Variants in SLC26A3 observed in about 807,000 individuals in gnomAD.
The protein encoded by SLC26A3 is solute carrier family 26 member 3.
A neutral mutation model predicts 85.6 loss-of-function variants in SLC26A3; 64 were observed. The observed-to-expected ratio is 0.75, with a 90% confidence interval of 0.61 to 0.92. SLC26A3 has a LOEUF of 0.92. SLC26A3 is among the 40% of genes least tolerant of loss of function. The pLI is 0.00. For synonymous variants in SLC26A3, 349 were observed against 336.0 expected (o/e 1.04, Z -0.42); for missense variants, 922 against 927.3 (o/e 0.99, Z 0.07).
At chr7:107,792,502 G>C (rs566882748) in intron 3 of SLC26A3, among the ~76,000 whole-genome samples, 5 of 152,002 alleles carry the variant, frequency 3.3e-5, no homozygotes, top group African/African-American at 1.2e-4. Flanking sequence ...CACAGTTCAC[G>C]ATAGGGTTTG....
chr7:107,785,393 T>C (rs1794277086), intron 8 of SLC26A3, among the ~76,000 whole-genome samples: 1 of 152,182 alleles, frequency 6.6e-6, no homozygotes, highest in Non-Finnish European at 1.5e-5. Context: ...TGGTTACCCG[T>C]TGCCACACCC....
intron 17 of SLC26A3, 104 bp downstream of exon 17, chr7:107,773,816 G>A (rs1562875471): frequency 4.1e-6 from 4 of 972,862 alleles, no homozygotes; most frequent in South Asian, 1.4e-5. Context: ...CTCCCAAAGT[G>A]CTGGGATTAC....
intron 6 of SLC26A3, 138 bp from the exon 7 acceptor site, chr7:107,787,647 G>T: frequency 1.4e-6 from 1 of 720,822 alleles, no homozygotes; most frequent in Non-Finnish European, 2.3e-6. Context: ...GTATTGCCCC[G>T]GTTTAATTGT....
At chr7:107,798,753 C>T (rs562823563) in intron 1 of SLC26A3, among the ~76,000 whole-genome samples, 1 of 152,294 alleles carries the variant, frequency 6.6e-6, no homozygotes, top group East Asian at 1.9e-4. Context: ...AGAGACATCA[C>T]TGAAAATGCC....
chr7:107,772,247 AG>A, intron 17 of SLC26A3, 139 bp from the exon 18 acceptor site: 1 of 649,432 alleles, frequency 1.5e-6, no homozygotes, highest in Non-Finnish European at 2.7e-6. Context: ...TAATAGTGTC[AG>A]AAGATACTAA....
chr7:107,789,365 C>T (rs1794353560), intron 6 of SLC26A3, among the ~76,000 whole-genome samples, 159 bp downstream of exon 6: 1 of 151,872 alleles, frequency 6.6e-6, no homozygotes, highest in African/African-American at 2.4e-5. Flanking sequence ...CGTGATCCGC[C>T]CGCCTCGGCC....
chr7:107,801,787 G>C (rs572050481), intron 1 of SLC26A3, among the ~76,000 whole-genome samples: 1 of 151,964 alleles, frequency 6.6e-6, no homozygotes, highest in East Asian at 1.9e-4. Flanking sequence ...TTTTCATTAG[G>C]AATAATCCTT....
At chr7:107,797,873 G>T (rs1165996732) in intron 1 of SLC26A3, among the ~76,000 whole-genome samples, 1 of 151,488 alleles carries the variant, frequency 6.6e-6, no homozygotes, top group Non-Finnish European at 1.5e-5. Context: ...TTACATTTTT[G>T]CCAGAAATTC....
intron 17 of SLC26A3, 103 bp downstream of exon 17, chr7:107,773,815 TGC>T: frequency 1.0e-6 from 1 of 962,718 alleles, no homozygotes; most frequent in Non-Finnish European, 1.6e-6. Context: ...CCTCCCAAAG[TGC>T]TGGGATTACA....
intron 20 of SLC26A3, 51 bp downstream of exon 20, chr7:107,767,528 T>G (rs1440044561): frequency 4.3e-6 from 6 of 1,411,574 alleles, no homozygotes; most frequent in East Asian, 2.3e-5. Flanking sequence ...CTTTGAAGGT[T>G]TTTTTTTGCT....
chr7:107,766,089 T>C (rs1263934650), intron 20 of SLC26A3, among the ~76,000 whole-genome samples: 2 of 152,198 alleles, frequency 1.3e-5, no homozygotes, highest in South Asian at 4.1e-4. Flanking sequence ...AAAGTAATGG[T>C]ACAGTGTGTT....
chr7:107,796,807 C>T (rs929394), intron 1 of SLC26A3, among the ~76,000 whole-genome samples: 61,842 of 150,960 alleles, frequency 0.41, 12,833 homozygotes, highest in South Asian at 0.43. Flanking sequence ...CAGCACTGTG[C>T]ATTTGTACTT....
chr7:107,774,073 C>G lies in SLC26A3; in HGVS notation c.1854G>C (p.Gln618His), dbSNP rs1466154236. Reference protein sequence around the residue: ...LDNNQIEVLDQPINTTDLPFH... With the variant: ...LDNNQIEVLDHPINTTDLPFH... Reference sequence around the variant, plus strand: ...AAGGCAGGTCTGTGGTATTGATTGGCTGGTCCAGTACTTCTATCTGATTGT... The same window carrying G: ...AAGGCAGGTCTGTGGTATTGATTGGGTGGTCCAGTACTTCTATCTGATTGT... Residue 618 changes from glutamine (Q) to histidine (H), a missense_variant, in exon 17 of 21, where the codon CAG (glutamine) becomes CAC (histidine). By Grantham distance (24) the Gln-to-His change is conservative (BLOSUM62 0). Coordinates refer to ENST00000340010, the MANE Select transcript of SLC26A3 (RefSeq NM_000111.3). 6.2e-7 allele frequency: 1 copy of G among 1,614,148 alleles called. No homozygotes were observed. Among genetic ancestry groups the G allele is most frequent in the African/African-American group, 1.3e-5 (1 of 75,042 alleles).
chr7:107,785,498 G>A (rs1297886861), intron 8 of SLC26A3, among the ~76,000 whole-genome samples: 2 of 152,144 alleles, frequency 1.3e-5, no homozygotes, highest in Non-Finnish European at 2.9e-5. Context: ...GTGATCTTAA[G>A]TTTATCTTTT....
chr7:107,799,454 G>A (rs968026816), intron 1 of SLC26A3, among the ~76,000 whole-genome samples: 3 of 152,000 alleles, frequency 2.0e-5, no homozygotes, highest in Admixed American at 6.6e-5. Context: ...GCAGTGGCGC[G>A]ATTTCATTTC....
At chr7:107,787,537 A>C in intron 6 of SLC26A3, 28 bp from the exon 7 acceptor site, 9 of 1,600,210 alleles carry the variant, frequency 5.6e-6, no homozygotes, top group Non-Finnish European at 7.7e-6. Flanking sequence ...AAAACCACCA[A>C]AGCCCTATAT....
chr7:107,792,529 T>C (rs1175177362), intron 3 of SLC26A3, among the ~76,000 whole-genome samples: 1 of 152,020 alleles, frequency 6.6e-6, no homozygotes, highest in Non-Finnish European at 1.5e-5. Flanking sequence ...TATGAGAATA[T>C]AATGTTGTCG....
chr7:107,801,081 T>C (rs758366515), intron 1 of SLC26A3, among the ~76,000 whole-genome samples: 2 of 152,222 alleles, frequency 1.3e-5, no homozygotes, highest in Non-Finnish European at 2.9e-5. Flanking sequence ...TGAGATTTTC[T>C]GAGCACTTTC....
intron 2 of SLC26A3, 76 bp from the exon 3 acceptor site, chr7:107,793,957 T>C: frequency 6.4e-7 from 1 of 1,572,398 alleles, no homozygotes; most frequent in Non-Finnish European, 8.7e-7. Context: ...GGGAAATTGG[T>C]AAAGATGGTA....
Sources: allele counts gnomAD v4.1 joint callset (sites outside exome capture counted in the v4.1 genomes callset), GRCh38; gene constraint gnomAD v4.1.1; transcripts MANE v1.5; gene names NCBI Gene and HGNC (gene_info 2026-07-23, HGNC 2026-07-21).